The following PTPRQ variants were observed in gnomAD, a reference collection of about 807,000 sequenced individuals.
PTPRQ encodes the protein phosphatidylinositol phosphatase PTPRQ.
In PTPRQ, 199 loss-of-function variants were observed where a neutral mutation model predicts 246.0. The ratio of observed to expected loss-of-function variants is 0.81; its 90% CI spans 0.72 to 0.91. The LOEUF (loss-of-function observed/expected upper bound fraction) is 0.91. Ranked by LOEUF, PTPRQ falls within the 40% of genes least tolerant of loss-of-function variation. The pLI is 0.00. For missense variants in PTPRQ, 2,624 were observed against 2,528.4 expected (o/e 1.04, Z -0.81); for synonymous variants, 869 against 853.2 (o/e 1.02, Z -0.32).
In PTPRQ at chr12:80,669,478, G is replaced by T. The variant is rs1387002100; in HGVS notation, c.6453+14G>T. The T allele has an allele frequency of 2.6e-6, 4 of 1,535,796 alleles. No individual in the cohort carries two copies. The highest frequency in any genetic ancestry group is 2.5e-5 in the South Asian group (2 of 80,404). On this transcript the variant is annotated intron_variant, in intron 41 of 44. Transcript: ENST00000644991. Reference sequence around the variant, plus strand: ...AAAATTGAAAGGGTAAAAAAAAAAGGGGGGGACGAGAGAACATGATATAAA... The same window carrying T: ...AAAATTGAAAGGGTAAAAAAAAAAGTGGGGGACGAGAGAACATGATATAAA...
chr12:80,595,654 T>C (rs1281360368), intron 26 of PTPRQ, among the ~76,000 whole-genome samples: 1 of 151,824 alleles, frequency 6.6e-6, no homozygotes, highest in Non-Finnish European at 1.5e-5. Flanking sequence ...CATGCTGGTG[T>C]GCTGCACCCA....
At chr12:80,585,205 C>A (rs1897571122) in intron 25 of PTPRQ, among the ~76,000 whole-genome samples, 1 of 152,070 alleles carries the variant, frequency 6.6e-6, no homozygotes, top group African/African-American at 2.4e-5. Context: ...GCTTACCCCT[C>A]TTACGGTCAC....
intron 8 of PTPRQ, among the ~76,000 whole-genome samples, chr12:80,477,513 T>C (rs532790157): frequency 2.1e-4 from 32 of 152,138 alleles, no homozygotes; most frequent in Non-Finnish European, 4.3e-4. Context: ...TCGAGAACAA[T>C]GTTTAGAAAT....
In PTPRQ at chr12:80,484,742, G is replaced by A. The variant is rs558914781; in HGVS notation, c.1359+137G>A. ...ACAAAGTAAAGTAAATTTGGGGCAT[G>A]TTGATAATCTAGCTAGATCATATTT... is the stretch of plus-strand genomic sequence containing the variant. On this transcript the variant is annotated intron_variant, in intron 9 of 44. Transcript: ENST00000644991. The A allele has an allele frequency of 1.1e-5, 11 of 1,004,618 alleles. 1 individual carries two copies. The South Asian group carries it at 1.9e-4, about 17-fold the overall frequency. The allele number at this position is 1,004,618 out of a possible 1,614,324, so 62.2% of individuals were successfully genotyped here. A position where few individuals can be genotyped will look rare whatever the true frequency, so the allele number is the denominator to read the frequency against.
intron 9 of PTPRQ, among the ~76,000 whole-genome samples, chr12:80,487,767 G>C (rs993942627): frequency 6.6e-6 from 1 of 152,030 alleles, no homozygotes; most frequent in Admixed American, 6.6e-5. Flanking sequence ...ATAGTCCCTT[G>C]CCTGGACTAC....
intron 35 of PTPRQ, among the ~76,000 whole-genome samples, chr12:80,644,372 A>G (rs1036701751): frequency 2.6e-5 from 4 of 152,152 alleles, no homozygotes; most frequent in African/African-American, 9.7e-5. Context: ...CAGTTCCCAA[A>G]TTGATTTATC....
In PTPRQ at chr12:80,613,785, C is replaced by G. The variant is rs551717599; in HGVS notation, c.5112C>G (p.Phe1704Leu). 23 of 1,541,992 alleles carry G rather than the reference C, an allele frequency of 1.5e-5. No individual in the cohort carries two copies. In the East Asian group the frequency reaches 5.7e-4, roughly 38 times the overall value. The change falls in exon 29 of 45, where the codon TTC becomes TTG. Residue 1704 changes from phenylalanine (F) to leucine (L), a missense_variant. Coordinates refer to ENST00000644991, the MANE Select transcript of PTPRQ (RefSeq NM_001145026.2). ...GTATTATACAGAAAACCAACACATT[C>G]GTCATTGCAATGCTAGAAGGACTAA... ...NLSIIQKTNT[F>L]VIAMLEGLKG...
At chr12:80,597,687 C>T (rs753757609) in intron 26 of PTPRQ, among the ~76,000 whole-genome samples, 2 of 151,850 alleles carry the variant, frequency 1.3e-5, no homozygotes, top group Non-Finnish European at 2.9e-5. Context: ...AATGGCATGT[C>T]GACGTTATAG....
At chr12:80,523,676 TGA>T (rs1895585934) in intron 17 of PTPRQ, among the ~76,000 whole-genome samples, 1 of 152,216 alleles carries the variant, frequency 6.6e-6, no homozygotes, top group South Asian at 2.1e-4. Context: ...TGAGCAGTTT[TGA>T]GAGAGTTTCT....
intron 6 of PTPRQ, among the ~76,000 whole-genome samples, chr12:80,465,875 T>C (rs1465126873): frequency 6.6e-6 from 1 of 152,162 alleles, no homozygotes; most frequent in African/African-American, 2.4e-5. Context: ...AAGAGCTATC[T>C]ATGACAAACC....
intron 29 of PTPRQ, among the ~76,000 whole-genome samples, chr12:80,615,289 A>G (rs959903155): frequency 1.8e-4 from 27 of 151,020 alleles, no homozygotes; most frequent in African/African-American, 6.3e-4. Context: ...TATCTACCAC[A>G]TGTATATTGT....
Position 80,483,175 on chromosome 12 carries a change from AC to A in PTPRQ, c.1187-1256del, listed in dbSNP as rs1199814334. ...GATTAAGAAAATGTGGCACATATAC[AC>A]CATGGAATACTATGCAGCCATAAAA... On this transcript the variant is annotated intron_variant, in intron 8 of 44. Transcript: ENST00000644991. Among the ~76,000 whole-genome samples the A allele has an allele frequency of 5.7e-5, 7 of 122,740 alleles. No individual in the cohort carries two copies. In the Admixed American group the frequency reaches 6.0e-4, roughly 11 times the overall value. 80.5% of individuals were successfully genotyped at this position (122,740 alleles called of 152,430 possible).
At position 80,484,604 on chromosome 12, in the gene PTPRQ, A is replaced by G; in HGVS notation, c.1358A>G (p.Glu453Gly). 2 of 1,549,414 alleles carry G rather than the reference A, an allele frequency of 1.3e-6. No homozygotes were observed. The highest frequency in any genetic ancestry group is 1.7e-6 in the Non-Finnish European group (2 of 1,146,430). Residue 453 changes from glutamate (E) to glycine (G), a missense_variant and splice_region_variant, in exon 9 of 45, where the codon GAG becomes GGG. Glu to Gly is a moderately conservative substitution (Grantham distance 98). Coordinates refer to ENST00000644991, the MANE Select transcript of PTPRQ (RefSeq NM_001145026.2). ...LENTLLTGNN[E>G]YINDPMAPEI... Reference sequence around the variant, plus strand: ...AATACTTTGCTCACTGGAAATAATGAGGTATTGCATTTTTATTTCACTTAT... The same window carrying G: ...AATACTTTGCTCACTGGAAATAATGGGGTATTGCATTTTTATTTCACTTAT...
At chr12:80,569,567 A>C (rs923090878) in intron 25 of PTPRQ, among the ~76,000 whole-genome samples, 1 of 152,042 alleles carries the variant, frequency 6.6e-6, no homozygotes, top group South Asian at 2.1e-4. Context: ...AAAACAAAAC[A>C]AAAAGAACAA....
chr12:80,496,063 T>G lies in PTPRQ; in HGVS notation c.1947T>G (p.Ser649=). 2 of 1,549,968 alleles carry G rather than the reference T, an allele frequency of 1.3e-6. No individual in the cohort carries two copies. The highest frequency in any genetic ancestry group is 2.4e-5 in the South Asian group (2 of 83,800). The change falls in exon 13 of 45, where the codon TCT becomes TCG. Residue 649 remains serine (S), a synonymous_variant. Coordinates refer to ENST00000644991, the MANE Select transcript of PTPRQ (RefSeq NM_001145026.2). ...CCTCAACCCACGTTGGAGAAAGTTC[T>G]TTGTCTGAAGAAAATGACATCTTTG... ...VAASTHVGES[S]LSEENDIFVR...
intron 28 of PTPRQ, among the ~76,000 whole-genome samples, chr12:80,612,549 T>C (rs547955865): frequency 1.6e-3 from 247 of 150,470 alleles, no homozygotes; most frequent in Non-Finnish European, 2.5e-3. Context: ...TGGCAAGGGA[T>C]GCAGAAAGAC....
chr12:80,629,325 G>A (rs1443312775), intron 33 of PTPRQ, among the ~76,000 whole-genome samples: 1 of 152,026 alleles, frequency 6.6e-6, no homozygotes, highest in African/African-American at 2.4e-5. Flanking sequence ...CTGGGGATTA[G>A]GGCTTCAACA....
At chr12:80,578,002 A>T (rs900801203) in intron 25 of PTPRQ, among the ~76,000 whole-genome samples, 1 of 152,150 alleles carries the variant, frequency 6.6e-6, no homozygotes, top group African/African-American at 2.4e-5. Flanking sequence ...CATATTTGAG[A>T]ATTATTCCAC....
intron 14 of PTPRQ, among the ~76,000 whole-genome samples, chr12:80,497,523 G>T (rs527327162): frequency 6.6e-6 from 1 of 152,008 alleles, no homozygotes; most frequent in Admixed American, 6.6e-5. Context: ...GTACTAGTCC[G>T]TGGCGCTGGG....
Sources: gnomAD v4.1 joint callset for allele counts (sites outside exome capture counted in the v4.1 genomes callset) on GRCh38, gnomAD v4.1.1 for gene constraint, MANE v1.5 for transcripts, NCBI Gene and HGNC (gene_info 2026-07-23, HGNC 2026-07-21) for gene names.